Variants in ZNF148 observed in about 807,000 individuals in gnomAD.
The protein encoded by ZNF148 is zinc finger protein 148.
ZNF148 carries 7 observed loss-of-function variants against 67.7 expected under a neutral mutation model. That is an observed-to-expected ratio of 0.10 (90% CI 0.06 to 0.19). The LOEUF (loss-of-function observed/expected upper bound fraction) is 0.19. ZNF148 is among the 10% of genes least tolerant of loss of function. The pLI, the probability that ZNF148 is intolerant of heterozygous loss-of-function variation, is 1.00. For synonymous variants in ZNF148, 333 were observed against 330.7 expected (o/e 1.01, Z -0.08); for missense variants, 583 against 947.1 (o/e 0.62, Z 5.05).
Position 125,277,757 on chromosome 3 carries a change from G to A in ZNF148, c.636C>T (p.Tyr212=), listed in dbSNP as rs1381841444. 2.2e-5 allele frequency: 35 copies of A among 1,612,118 alleles called. No individual in the cohort carries two copies. Among genetic ancestry groups the A allele is most frequent in the Non-Finnish European group, 2.8e-5 (33 of 1,179,324 alleles). The change falls in exon 7 of 9, where the codon TAC becomes TAT. Residue 212 remains tyrosine, a synonymous_variant. Coordinates refer to ENST00000360647, the MANE Select transcript of ZNF148 (RefSeq NM_021964.3). ...GAATCTTCTCATGTCTCTGAAGCAG[G>A]TACTTCTGTATGAAACGCATGTCAC... ...SQCDMRFIQK[Y]LLQRHEKIHT...
chr3:125,257,933 A>C (rs960903832), intron 7 of ZNF148, among the ~76,000 whole-genome samples: 1 of 152,162 alleles, frequency 6.6e-6, no homozygotes, highest in Non-Finnish European at 1.5e-5. Flanking sequence ...GTCAGTGACA[A>C]GCAAAGTACC....
At chr3:125,268,727 C>A (rs1239605930) in intron 7 of ZNF148, among the ~76,000 whole-genome samples, 4 of 152,180 alleles carry the variant, frequency 2.6e-5, no homozygotes, top group African/African-American at 9.7e-5. Flanking sequence ...TACCTGCAAT[C>A]CTAGCACTTT....
chr3:125,247,336 G>A (rs933322014), intron 7 of ZNF148, among the ~76,000 whole-genome samples: 20 of 152,008 alleles, frequency 1.3e-4, no homozygotes, highest in African/African-American at 4.6e-4. Flanking sequence ...TTTTTTCTGG[G>A]TTTTCTTTTG....
At chr3:125,297,172 A>G (rs891929500) in intron 4 of ZNF148, among the ~76,000 whole-genome samples, 6 of 152,056 alleles carry the variant, frequency 3.9e-5, no homozygotes, top group African/African-American at 1.4e-4. Flanking sequence ...TGTTCTAAAA[A>G]CTGAAACACT....
At chr3:125,266,243 T>C (rs932876030) in intron 7 of ZNF148, among the ~76,000 whole-genome samples, 2 of 151,922 alleles carry the variant, frequency 1.3e-5, no homozygotes, top group Non-Finnish European at 2.9e-5. Flanking sequence ...CTCTACAGTA[T>C]ACTCTACCCA....
At chr3:125,357,539 G>A (rs1334306544) in intron 1 of ZNF148, among the ~76,000 whole-genome samples, 2 of 151,660 alleles carry the variant, frequency 1.3e-5, no homozygotes, top group Non-Finnish European at 2.9e-5. Flanking sequence ...GGACCCAGGC[G>A]GGCGGCAGCC....
intron 1 of ZNF148, chr3:125,338,762 T>C (rs1941601364): frequency 6.6e-6 from 1 of 150,856 alleles, no homozygotes; most frequent in Non-Finnish European, 1.5e-5. Context: ...ATTTAAAAAC[T>C]TGTAAGTGGG....
chr3:125,276,436 T>C (rs549573803), intron 7 of ZNF148, among the ~76,000 whole-genome samples: 1 of 148,578 alleles, frequency 6.7e-6, no homozygotes, highest in Admixed American at 6.7e-5. Flanking sequence ...TTATTTATTT[T>C]ATTTATTTAT....
chr3:125,274,870 C>T (rs1194339858), intron 7 of ZNF148, among the ~76,000 whole-genome samples: 1 of 152,050 alleles, frequency 6.6e-6, no homozygotes, highest in African/African-American at 2.4e-5. Flanking sequence ...TATGGAAAAT[C>T]TTTTTTAATG....
At chr3:125,293,841 C>T (rs1939146518) in intron 4 of ZNF148, among the ~76,000 whole-genome samples, 1 of 152,118 alleles carries the variant, frequency 6.6e-6, no homozygotes, top group Non-Finnish European at 1.5e-5. Context: ...CCATTACAGG[C>T]AAGGCCCACC....
intron 1 of ZNF148, among the ~76,000 whole-genome samples, chr3:125,341,272 TA>T (rs1559769064): frequency 7.0e-6 from 1 of 142,242 alleles, no homozygotes; most frequent in Non-Finnish European, 1.5e-5. Flanking sequence ...CAGAAGTTAT[TA>T]AAAAAAGAAG....
chr3:125,373,964 T>C (rs1405574024), intron 1 of ZNF148, among the ~76,000 whole-genome samples: 1 of 152,184 alleles, frequency 6.6e-6, no homozygotes, highest in Admixed American at 6.5e-5. Flanking sequence ...AACTGGGCAG[T>C]GAAGAAAACC....
chr3:125,312,491 T>A (rs961040562), intron 4 of ZNF148, among the ~76,000 whole-genome samples: 9 of 152,160 alleles, frequency 5.9e-5, no homozygotes, highest in Non-Finnish European at 1.0e-4. Context: ...AGAAGCATCG[T>A]ACAAGTAAAT....
rs1386349160 is a variant in ZNF148, at chr3:125,227,880, G to A, written c.*4461C>T. 6.6e-6 allele frequency: 1 copy of A among 152,438 alleles called. No homozygotes were observed. Among genetic ancestry groups the A allele is most frequent in the Non-Finnish European group, 1.5e-5 (1 of 67,986 alleles). 9.4% of individuals were successfully genotyped at this position (152,438 alleles called of 1,614,324 possible). On this transcript the variant is annotated 3_prime_UTR_variant, in exon 9 of 9. Coordinates refer to ENST00000360647, the MANE Select transcript of ZNF148 (RefSeq NM_021964.3). ...GTAGGTCATATACATTTATAAATTG[G>A]CGGTTTTATTTCTAAAGCAGTGATG...
At chr3:125,301,545 T>A (rs568491108) in intron 4 of ZNF148, among the ~76,000 whole-genome samples, 10 of 152,348 alleles carry the variant, frequency 6.6e-5, no homozygotes, top group South Asian at 2.1e-4. Flanking sequence ...AAAAACTCAT[T>A]TTTTTGCTTT....
chr3:125,362,809 C>A (rs1343294923), intron 1 of ZNF148, among the ~76,000 whole-genome samples: 2 of 152,206 alleles, frequency 1.3e-5, no homozygotes, highest in African/African-American at 2.4e-5. Flanking sequence ...CCCACCTCAG[C>A]CTCCCGAACT....
chr3:125,344,061 A>T, intron 1 of ZNF148: 1 of 183,592 alleles, frequency 5.4e-6, no homozygotes, highest in South Asian at 1.2e-4. Context: ...CAGTTCTGTT[A>T]AATGCACGCA....
At chr3:125,287,888 AAAAGTTCACT>A (rs1938784147) in intron 5 of ZNF148, among the ~76,000 whole-genome samples, 1 of 152,214 alleles carries the variant, frequency 6.6e-6, no homozygotes, top group African/African-American at 2.4e-5. Flanking sequence ...ATGGAAAAAG[AAAAGTTCACT>A]TTTAGACAAG....
chr3:125,243,728 G>A (rs941900497), intron 7 of ZNF148, among the ~76,000 whole-genome samples: 4 of 151,844 alleles, frequency 2.6e-5, no homozygotes, highest in South Asian at 4.2e-4. Context: ...GTCTTGTTAC[G>A]GTGTCCAGAC....
Sources: allele counts gnomAD v4.1 joint callset (sites outside exome capture counted in the v4.1 genomes callset), GRCh38; gene constraint gnomAD v4.1.1; transcripts MANE v1.5; gene names NCBI Gene and HGNC (gene_info 2026-07-23, HGNC 2026-07-21).